Variants in WDR20 observed in about 807,000 individuals in gnomAD.
WDR20 encodes WD repeat-containing protein 20.
WDR20 carries 3 observed loss-of-function variants against 38.7 expected under a neutral mutation model. The ratio of observed to expected loss-of-function variants is 0.08; its 90% CI spans 0.04 to 0.20. The LOEUF is 0.20. Among genes scored for constraint, WDR20 ranks in the 10% least tolerant of loss-of-function variants. WDR20 has a pLI of 1.00. For synonymous variants in WDR20, 298 were observed against 285.6 expected, an observed-to-expected ratio of 1.04 and a Z score of -0.44; for missense variants, 559 against 727.7, an observed-to-expected ratio of 0.77 and a Z score of 2.67.
chr14:102,193,541 C>T (rs1566991171), intron 1 of WDR20: 6 of 1,608,270 alleles, frequency 3.7e-6, no homozygotes, highest in Non-Finnish European at 5.1e-6. Flanking sequence ...GTCCGCATGG[C>T]ATGCACCCTC....
chr14:102,157,752 C>T (rs1209459905), intron 1 of WDR20, among the ~76,000 whole-genome samples: 4 of 152,092 alleles, frequency 2.6e-5, no homozygotes. Flanking sequence ...CAGCTGCTGG[C>T]TCCTTCTGGG....
intron 1 of WDR20, among the ~76,000 whole-genome samples, chr14:102,174,759 G>A (rs529501207): frequency 2.0e-5 from 3 of 152,186 alleles, no homozygotes; most frequent in Admixed American, 2.0e-4. Context: ...CAGGAGTAAG[G>A]TTGTATCATA....
At chr14:102,187,295 A>G (rs1366977660) in intron 1 of WDR20, among the ~76,000 whole-genome samples, 1 of 152,148 alleles carries the variant, frequency 6.6e-6, no homozygotes, top group Non-Finnish European at 1.5e-5. Context: ...CTTGTTTTTA[A>G]AAGGAGCTGG....
At chr14:102,161,088 T>C (rs1250192299) in intron 1 of WDR20, among the ~76,000 whole-genome samples, 5 of 127,770 alleles carry the variant, frequency 3.9e-5, no homozygotes, top group African/African-American at 1.1e-4. Context: ...TATGATAAAT[T>C]TCCAGTGGAT....
chr14:102,161,580 C>T (rs1304593327), intron 1 of WDR20, among the ~76,000 whole-genome samples: 1 of 151,986 alleles, frequency 6.6e-6, no homozygotes, highest in African/African-American at 2.4e-5. Context: ...TTGTGGTTTA[C>T]AAGTAACAGG....
intron 1 of WDR20, among the ~76,000 whole-genome samples, chr14:102,171,099 G>A (rs1185183031): frequency 6.6e-6 from 1 of 151,934 alleles, no homozygotes; most frequent in Non-Finnish European, 1.5e-5. Context: ...TTACAGGCAT[G>A]CGCCACCATG....
intron 1 of WDR20, among the ~76,000 whole-genome samples, chr14:102,176,425 G>A (rs898354506): frequency 2.9e-5 from 4 of 139,614 alleles, no homozygotes; most frequent in Admixed American, 1.4e-4. Flanking sequence ...GGGGCCGGGC[G>A]TGGTGGCTCA....
rs934699924 is a variant in WDR20 at position 102,176,971 on chromosome 14, G to A, written c.250-17967G>A. 5.3e-5 allele frequency among the ~76,000 whole-genome samples: 8 copies of A among 151,934 alleles called. No individual in the cohort carries two copies. In the East Asian group the frequency reaches 5.8e-4, roughly 11 times the overall value. On this transcript the variant is annotated intron_variant, in intron 1 of 2. Coordinates refer to ENST00000342702, the MANE Select transcript of WDR20 (RefSeq NM_144574.4). The stretch of plus-strand genomic sequence containing the variant: ...CTGCACTCCCAACCTCAGGTGATCC[G>A]CCTGCCTTGGCCTCCCAAAGTGCTG...
At chr14:102,161,140 A>ATT (rs1369897890) in intron 1 of WDR20, among the ~76,000 whole-genome samples, 7 of 10,798 alleles carry the variant, frequency 6.5e-4, no homozygotes, top group African/African-American at 1.9e-3. Context: ...ATATATATAT[A>ATT]TATTTTTTTT....
intron 1 of WDR20, among the ~76,000 whole-genome samples, chr14:102,159,287 C>A (rs1244563497): frequency 6.6e-6 from 1 of 152,124 alleles, no homozygotes; most frequent in African/African-American, 2.4e-5. Flanking sequence ...TTGCTGCTGG[C>A]CCATTTCTCA....
intron 1 of WDR20, among the ~76,000 whole-genome samples, chr14:102,150,137 A>C (rs1422427400): frequency 1.3e-5 from 2 of 152,222 alleles, no homozygotes; most frequent in African/African-American, 4.8e-5. Flanking sequence ...AGAAGCAAGA[A>C]TCATTCATGA....
intron 1 of WDR20, among the ~76,000 whole-genome samples, chr14:102,163,927 T>C (rs2059262260): frequency 6.6e-6 from 1 of 152,162 alleles, no homozygotes; most frequent in Non-Finnish European, 1.5e-5. Flanking sequence ...TTACATTGCC[T>C]TTTTCCTCCC....
In WDR20 at chr14:102,189,676, T is replaced by C. The variant is rs565262511; in HGVS notation, c.250-5262T>C. Among the ~76,000 whole-genome samples, 5 of 152,344 alleles carry C rather than the reference T, an allele frequency of 3.3e-5. No individual in the cohort carries two copies. The South Asian group carries it at 1.0e-3, about 32-fold the overall frequency. On this transcript the variant is annotated intron_variant, in intron 1 of 2. Coordinates refer to ENST00000342702, the MANE Select transcript of WDR20 (RefSeq NM_144574.4). ...GAAGAACTTAGGTAATTGATAATAA[T>C]TGGGATGCAAACCATTTTTTGAAAT...
At chr14:102,164,998 C>T (rs1466477706) in intron 1 of WDR20, among the ~76,000 whole-genome samples, 1 of 152,248 alleles carries the variant, frequency 6.6e-6, no homozygotes, top group Non-Finnish European at 1.5e-5. Context: ...ACGACATATG[C>T]TCCGGCAGAG....
intron 1 of WDR20, among the ~76,000 whole-genome samples, chr14:102,184,698 T>C (rs550282628): frequency 1.3e-5 from 2 of 152,324 alleles, no homozygotes; most frequent in East Asian, 3.9e-4. Context: ...ACTTTGTGAC[T>C]GTGTGTCTCT....
intron 1 of WDR20, among the ~76,000 whole-genome samples, chr14:102,144,976 G>A (rs1245335216): frequency 6.6e-6 from 1 of 152,188 alleles, no homozygotes; most frequent in Non-Finnish European, 1.5e-5. Context: ...TGGGATTACA[G>A]GCTCTATGTT....
intron 2 of WDR20, chr14:102,198,306 C>T (rs748870102): frequency 6.0e-6 from 2 of 332,994 alleles, no homozygotes; most frequent in Non-Finnish European, 1.2e-5. Context: ...TTAGTAGAGA[C>T]GGGATTTCAC....
At chr14:102,183,590 A>G (rs2063879863) in intron 1 of WDR20, among the ~76,000 whole-genome samples, 1 of 152,250 alleles carries the variant, frequency 6.6e-6, no homozygotes, top group South Asian at 2.1e-4. Flanking sequence ...ATATGGTTAA[A>G]GGTGAAGTTG....
chr14:102,212,480 T>C (rs1398450882), downstream of WDR20: 2 of 1,534,348 alleles, frequency 1.3e-6, no homozygotes, highest in East Asian at 4.9e-5. Context: ...CCACTCTGTG[T>C]CCACTCTGCC....
Sources: gnomAD v4.1 joint callset for allele counts (sites outside exome capture counted in the v4.1 genomes callset) on GRCh38, gnomAD v4.1.1 for gene constraint, MANE v1.5 for transcripts, NCBI Gene and HGNC (gene_info 2026-07-23, HGNC 2026-07-21) for gene names.